The following PADI2 variants were observed in gnomAD, a reference collection of about 807,000 sequenced individuals.
PADI2 encodes the protein protein-arginine deiminase type-2.
In PADI2, 70 loss-of-function variants were observed where a neutral mutation model predicts 81.1. That is an observed-to-expected ratio of 0.86 (90% CI 0.71 to 1.05). The LOEUF (loss-of-function observed/expected upper bound fraction) is 1.05, where lower values mean the gene tolerates loss of function less well. Ranked by LOEUF, PADI2 falls within the 50% of genes least tolerant of loss-of-function variation. The pLI, the probability that PADI2 is intolerant of heterozygous loss-of-function variation, is 0.00. For synonymous variants in PADI2, 338 were observed against 358.0 expected, an observed-to-expected ratio of 0.94 and a Z score of 0.63; for missense variants, 853 against 889.9, an observed-to-expected ratio of 0.96 and a Z score of 0.53.
chr1:17,069,913 T>C (rs6701620), intron 15 of PADI2, among the ~76,000 whole-genome samples, 175 bp downstream of exon 15: 144,189 of 152,276 alleles, frequency 0.95, 68,398 homozygotes, highest in East Asian at 1. Context: ...AGCATATCAC[T>C]CCTAGGAGGA....
Position 17,119,219 on chromosome 1 carries a change from G to T in PADI2, c.92+61C>A. ...AGGCTGTCCACGTCCCCGAGTCTGA[G>T]CGCGTCTCAGGATTTCTGGGCTCGA... On this transcript the variant is annotated intron_variant, in intron 1 of 15. Coordinates refer to ENST00000375486, the MANE Select transcript of PADI2 (RefSeq NM_007365.3). This position sits in a 1 kb window ranked among gnomAD's most constrained non-coding sequence, Gnocchi z 4.8. 1.7e-6 allele frequency: 2 copies of T among 1,198,588 alleles called. No homozygotes were observed. The highest frequency in any genetic ancestry group is 2.3e-6 in the Non-Finnish European group (2 of 852,512). The allele number at this position is 1,198,588 out of a possible 1,614,324, so 74.2% of individuals were successfully genotyped here. A position where few individuals can be genotyped will look rare whatever the true frequency, so the allele number is the denominator to read the frequency against.
chr1:17,081,258 G>C (rs2078342355), intron 10 of PADI2, among the ~76,000 whole-genome samples: 1 of 152,162 alleles, frequency 6.6e-6, no homozygotes. Context: ...AGCTAATAAT[G>C]GTCATTATAT....
In PADI2 at chr1:17,095,905, G is replaced by A; in HGVS notation, c.411+4C>T. On this transcript the variant is annotated splice_donor_region_variant and intron_variant, in intron 4 of 15. Transcript: ENST00000375486. ...GGGTGGTGCCTGCCCTGAAAGCTAG[G>A]TACCTTCTTTGGGTTGTTCTTCTCC... The A allele has an allele frequency of 1.2e-6, 2 of 1,606,746 alleles. No homozygotes were observed.
intron 2 of PADI2, 57 bp downstream of exon 2, chr1:17,104,821 T>A: frequency 7.0e-7 from 1 of 1,436,310 alleles, no homozygotes; most frequent in Admixed American, 2.0e-5. Flanking sequence ...TGGTCCACCC[T>A]GCCTCTATCC....
At chr1:17,082,913 C>T in intron 9 of PADI2, 1 of 357,182 alleles carries the variant, frequency 2.8e-6, no homozygotes, top group Non-Finnish European at 5.1e-6. Context: ...CTCTGTTGCC[C>T]AGGCTGGAGT....
chr1:17,109,447 C>G (rs1437686312), intron 1 of PADI2, among the ~76,000 whole-genome samples: 1 of 150,270 alleles, frequency 6.7e-6, no homozygotes, highest in African/African-American at 2.4e-5. Flanking sequence ...ATTCCTGCCA[C>G]TCCCCTCCCC....
At chr1:17,096,171 G>A (rs1930921207) in intron 3 of PADI2, among the ~76,000 whole-genome samples, 2 of 152,192 alleles carry the variant, frequency 1.3e-5, no homozygotes, top group Admixed American at 1.3e-4. Flanking sequence ...ACACCGTGTG[G>A]ACCTCGTAGC....
At chr1:17,084,380 G>T (rs2078369734) in intron 8 of PADI2, among the ~76,000 whole-genome samples, 1 of 152,242 alleles carries the variant, frequency 6.6e-6, no homozygotes, top group Non-Finnish European at 1.5e-5. Context: ...TATTTTTAGA[G>T]CATACCCTGT....
intron 1 of PADI2, among the ~76,000 whole-genome samples, chr1:17,105,802 G>A (rs562298318): frequency 3.7e-4 from 57 of 152,346 alleles, no homozygotes; most frequent in African/African-American, 1.3e-3. Context: ...TCACCTGGCT[G>A]TGAAGAGGAC....
intron 1 of PADI2, among the ~76,000 whole-genome samples, chr1:17,105,565 T>G (rs1252356970): frequency 6.6e-6 from 1 of 152,098 alleles, no homozygotes; most frequent in Non-Finnish European, 1.5e-5. Context: ...TGGCTAATTT[T>G]GTGTTTTTAG....
intron 1 of PADI2, among the ~76,000 whole-genome samples, chr1:17,105,769 C>T (rs184867514): frequency 2.6e-5 from 4 of 152,260 alleles, no homozygotes; most frequent in African/African-American, 9.6e-5. Context: ...TGGGAGACCC[C>T]AAAGGGGCCA....
chr1:17,086,734 C>T (rs371279813), intron 6 of PADI2, 35 bp from the exon 7 acceptor site: 333 of 1,593,020 alleles, frequency 2.1e-4, no homozygotes, highest in Non-Finnish European at 2.4e-4. Flanking sequence ...GACTCCCACC[C>T]GCATCAGAAA....
chr1:17,108,596 GA>G (rs1219674761), intron 1 of PADI2, among the ~76,000 whole-genome samples: 2 of 151,976 alleles, frequency 1.3e-5, no homozygotes, highest in African/African-American at 4.8e-5. Flanking sequence ...CCCAAGCAAA[GA>G]GGGCAGAGGT....
In PADI2 at chr1:17,067,014, G is replaced by A. The variant is rs975455314; in HGVS notation, c.*2030C>T. 1.3e-5 allele frequency: 2 copies of A among 151,982 alleles called. No individual in the cohort carries two copies. Among genetic ancestry groups the A allele is most frequent in the Non-Finnish European group, 2.9e-5 (2 of 68,002 alleles). 9.4% of individuals were successfully genotyped at this position (151,982 alleles called of 1,614,324 possible). On this transcript the variant is annotated 3_prime_UTR_variant, in exon 16 of 16. Coordinates refer to ENST00000375486, the MANE Select transcript of PADI2 (RefSeq NM_007365.3). ...AAGTGGGGGTGGGGAAGAGCCATGA[G>A]TCCACGGGGGTATATCCACACCGAG...
chr1:17,082,763 T>C, intron 9 of PADI2, 111 bp from the exon 10 acceptor site: 1 of 654,044 alleles, frequency 1.5e-6, no homozygotes, highest in Non-Finnish European at 2.7e-6. Context: ...GTCTGTCTTG[T>C]TCCCCATTCC....
intron 11 of PADI2, among the ~76,000 whole-genome samples, chr1:17,078,817 T>C (rs1008930675): frequency 2.0e-5 from 3 of 152,206 alleles, no homozygotes; most frequent in Admixed American, 1.3e-4. Flanking sequence ...CATCTCAGCT[T>C]CCTGAGTAGC....
intron 13 of PADI2, 53 bp downstream of exon 13, chr1:17,074,803 C>T (rs923999028): frequency 8.5e-5 from 98 of 1,156,010 alleles, no homozygotes; most frequent in Non-Finnish European, 1.1e-4. Flanking sequence ...TCCCGAGGGT[C>T]TCTCTGGGGC....
rs770677439 is a variant in PADI2 at position 17,104,841 on chromosome 1, C to G, written c.276+37G>C. The G allele has an allele frequency of 2.2e-5, 33 of 1,522,134 alleles. No individual in the cohort carries two copies. In the South Asian group the frequency reaches 3.9e-4, roughly 18 times the overall value. 94.3% of individuals were successfully genotyped at this position (1,522,134 alleles called of 1,614,324 possible). A position where few individuals can be genotyped will look rare whatever the true frequency, so the allele number is the denominator to read the frequency against. On this transcript the variant is annotated intron_variant, in intron 2 of 15. Transcript: ENST00000375486. ...CACCCTGCCTCTATCCTGGCATGGT[C>G]CCGGGCCCGCAGAGGCTGGACTTCC...
At chr1:17,098,788 G>A (rs1001039175) in intron 3 of PADI2, among the ~76,000 whole-genome samples, 1 of 152,334 alleles carries the variant, frequency 6.6e-6, no homozygotes, top group Middle Eastern at 3.4e-3. Context: ...CTGTAGTCAT[G>A]CCCATGGGAC....
Sources: gnomAD v4.1 joint callset for allele counts (sites outside exome capture counted in the v4.1 genomes callset) on GRCh38, gnomAD v4.1.1 for gene constraint, Gnocchi (gnomAD v3.1) non-coding constraint, MANE v1.5 for transcripts, NCBI Gene and HGNC (gene_info 2026-07-23, HGNC 2026-07-21) for gene names.